NEK11: variants seen among roughly 807,000 people sequenced by gnomAD.
NEK11 encodes the protein NIMA related kinase 11.
Under a neutral mutation model 80.7 loss-of-function variants are expected in NEK11, and 72 were observed. The ratio of observed to expected loss-of-function variants is 0.89; its 90% CI spans 0.74 to 1.08. NEK11 has a LOEUF of 1.08. Ranked by LOEUF, NEK11 falls within the 50% of genes least tolerant of loss-of-function variation. The probability of loss-of-function intolerance (pLI) is 0.00; values close to 1 mark genes in which losing one functional copy is unlikely to be tolerated. For missense variants in NEK11, 764 were observed against 763.6 expected (o/e 1.00, Z -0.01); for synonymous variants, 251 against 260.7 (o/e 0.96, Z 0.36).
chr3:131,086,095 G>A (rs2075948972), intron 4 of NEK11, among the ~76,000 whole-genome samples: 1 of 152,132 alleles, frequency 6.6e-6, no homozygotes, highest in Non-Finnish European at 1.5e-5. Context: ...ATATTAAGGG[G>A]TACCAGCTGT....
intron 3 of NEK11, among the ~76,000 whole-genome samples, chr3:131,078,459 T>C (rs1390442578): frequency 6.6e-6 from 1 of 152,180 alleles, no homozygotes; most frequent in African/African-American, 2.4e-5. Flanking sequence ...TTTAATTTTG[T>C]TTTGTTTTGT....
intron 3 of NEK11, among the ~76,000 whole-genome samples, chr3:131,050,591 T>C (rs1177754273): frequency 6.6e-6 from 1 of 152,234 alleles, no homozygotes; most frequent in Non-Finnish European, 1.5e-5. Flanking sequence ...CAGGAACCTT[T>C]AGTACATTTT....
intron 17 of NEK11, among the ~76,000 whole-genome samples, chr3:131,343,486 T>C (rs543413193): frequency 6.9e-4 from 105 of 152,296 alleles, no homozygotes; most frequent in Admixed American, 1.7e-3. Flanking sequence ...ACAGGTGAAG[T>C]CATTGGCTGA....
At chr3:131,095,641 A>C (rs1281365737) in intron 4 of NEK11, among the ~76,000 whole-genome samples, 1 of 152,176 alleles carries the variant, frequency 6.6e-6, no homozygotes, top group African/African-American at 2.4e-5. Flanking sequence ...TACTCATGCA[A>C]TATAACTTAA....
Position 131,076,070 on chromosome 3 carries a change from T to G in NEK11, c.171-4353T>G, listed in dbSNP as rs2074299230. On this transcript the variant is annotated intron_variant, in intron 3 of 17. Coordinates refer to ENST00000383366, the MANE Select transcript of NEK11 (RefSeq NM_024800.5). The stretch of plus-strand genomic sequence containing the variant: ...AAAGTGTCGGGTGGATGCAGCTGAC[T>G]GACAGAACCTAGGTCACACATCAGC... 2.0e-5 allele frequency among the ~76,000 whole-genome samples: 3 copies of G among 152,312 alleles called. No individual in the cohort carries two copies. The South Asian group carries it at 6.2e-4, about 32-fold the overall frequency.
intron 14 of NEK11, among the ~76,000 whole-genome samples, chr3:131,202,687 G>A (rs1021493325): frequency 1.3e-5 from 2 of 152,104 alleles, no homozygotes; most frequent in Admixed American, 1.3e-4. Flanking sequence ...ATCTGACAAA[G>A]GGCTAATATC....
At chr3:131,045,428 T>A (rs1484824347) in intron 3 of NEK11, among the ~76,000 whole-genome samples, 2 of 152,224 alleles carry the variant, frequency 1.3e-5, no homozygotes, top group Non-Finnish European at 2.9e-5. Flanking sequence ...CAGGAGCAGG[T>A]TATTTAATTT....
At chr3:131,294,865 A>G (rs1321262222) in intron 17 of NEK11, among the ~76,000 whole-genome samples, 1 of 152,046 alleles carries the variant, frequency 6.6e-6, no homozygotes, top group African/African-American at 2.4e-5. Context: ...TTGCTTTGAA[A>G]TCTGCTCTGT....
At chr3:131,061,108 A>G (rs987215777) in intron 3 of NEK11, among the ~76,000 whole-genome samples, 39 of 151,526 alleles carry the variant, frequency 2.6e-4, no homozygotes, top group Admixed American at 5.9e-4. Context: ...CAAACTTTCC[A>G]CACTTAGGCC....
intron 16 of NEK11, among the ~76,000 whole-genome samples, chr3:131,255,079 GGAAA>G (rs59699596): frequency 0.17 from 20,373 of 118,976 alleles, 1,710 homozygotes; most frequent in East Asian, 0.2. Flanking sequence ...ACAGAAAGAA[GGAAA>G]GAAAGAAAGA....
chr3:131,230,556 C>G (rs568377726), intron 15 of NEK11, among the ~76,000 whole-genome samples: 1 of 152,220 alleles, frequency 6.6e-6, no homozygotes, highest in South Asian at 2.1e-4. Flanking sequence ...TATCCAGTAC[C>G]TCTTTATGAT....
intron 15 of NEK11, among the ~76,000 whole-genome samples, chr3:131,238,007 C>T (rs2095460017): frequency 6.6e-6 from 1 of 152,158 alleles, no homozygotes; most frequent in African/African-American, 2.4e-5. Context: ...CACTAAGCCC[C>T]TCTCTTCCAT....
intron 15 of NEK11, among the ~76,000 whole-genome samples, chr3:131,230,672 G>A (rs1248453116): frequency 1.3e-5 from 2 of 152,022 alleles, no homozygotes; most frequent in Non-Finnish European, 2.9e-5. Flanking sequence ...AAACATAAGG[G>A]CAGCAGTTTT....
chr3:131,054,058 A>T (rs1392022575), intron 3 of NEK11, among the ~76,000 whole-genome samples: 1 of 152,200 alleles, frequency 6.6e-6, no homozygotes, highest in Admixed American at 6.5e-5. Flanking sequence ...TCTTATTAAG[A>T]GTCAACATTT....
chr3:131,246,473 A>G (rs990164554), intron 16 of NEK11, among the ~76,000 whole-genome samples: 7 of 152,236 alleles, frequency 4.6e-5, no homozygotes, highest in Middle Eastern at 6.8e-3. Flanking sequence ...TGGTGTGTGT[A>G]CCACATGTGT....
chr3:131,054,725 C>A (rs1309260363), intron 3 of NEK11: 2 of 151,370 alleles, frequency 1.3e-5, no homozygotes, highest in Non-Finnish European at 2.9e-5. Flanking sequence ...CCATTGCACT[C>A]CAGCCTGGGT....
At chr3:131,029,968 G>A in intron 3 of NEK11, 90 bp downstream of exon 3, 1 of 1,227,622 alleles carries the variant, frequency 8.1e-7, no homozygotes, top group South Asian at 1.3e-5. Context: ...GGCCAGGTAT[G>A]GTGGCTCATG....
At position 131,081,129 on chromosome 3, in the gene NEK11, A is replaced by G. The variant is rs1178878740; in HGVS notation, c.336+541A>G. On this transcript the variant is annotated intron_variant, in intron 4 of 17. Transcript: ENST00000383366. Reference sequence around the variant, plus strand: ...TATCTCTAAGAAAAACAAAAAACAAAAAGGAGAAATTACTGCAGAAGAATG... The same window carrying G: ...TATCTCTAAGAAAAACAAAAAACAAGAAGGAGAAATTACTGCAGAAGAATG... 2.6e-5 allele frequency among the ~76,000 whole-genome samples: 4 copies of G among 152,106 alleles called. No individual in the cohort carries two copies. In the East Asian group the frequency reaches 5.8e-4, roughly 22 times the overall value.
chr3:131,122,642 G>C (rs1203317121), intron 5 of NEK11, among the ~76,000 whole-genome samples: 1 of 152,060 alleles, frequency 6.6e-6, no homozygotes, highest in Middle Eastern at 3.2e-3. Context: ...GAACCTGCTA[G>C]ATGAAGGATA....
Sources: gnomAD v4.1 joint callset for allele counts (sites outside exome capture counted in the v4.1 genomes callset) on GRCh38, gnomAD v4.1.1 for gene constraint, MANE v1.5 for transcripts, NCBI Gene and HGNC (gene_info 2026-07-23, HGNC 2026-07-21) for gene names.